The following TTC21B variants were observed in gnomAD, a reference collection of about 807,000 sequenced individuals.
TTC21B encodes the protein tetratricopeptide repeat domain 21B, also known as tetratricopeptide repeat protein 21B.
TTC21B carries 127 observed loss-of-function variants against 175.1 expected under a neutral mutation model. That is an observed-to-expected ratio of 0.73 (90% CI 0.63 to 0.84). TTC21B has a LOEUF of 0.84. TTC21B is among the 40% of genes least tolerant of loss of function. The probability of loss-of-function intolerance (pLI) is 0.00; values close to 1 mark genes in which losing one functional copy is unlikely to be tolerated. For missense variants in TTC21B, 1,561 were observed against 1,558.3 expected (o/e 1.00, Z -0.03); for synonymous variants, 524 against 524.5 (o/e 1.00, Z 0.01).
At chr2:165,931,968 GC>G in intron 7 of TTC21B, 112 bp from the exon 8 acceptor site, 2 of 734,500 alleles carry the variant, frequency 2.7e-6, no homozygotes, top group Non-Finnish European at 4.8e-6. Flanking sequence ...AAAGACCTTT[GC>G]TTTTATAAAT....
chr2:165,909,775 CATCAA>C (rs1227773522), intron 18 of TTC21B, among the ~76,000 whole-genome samples: 4 of 152,024 alleles, frequency 2.6e-5, no homozygotes, highest in African/African-American at 9.7e-5. Context: ...ATATGAGACT[CATCAA>C]ATCAATTATG....
intron 25 of TTC21B, among the ~76,000 whole-genome samples, chr2:165,885,761 T>G (rs1481711213): frequency 6.6e-6 from 1 of 152,264 alleles, no homozygotes; most frequent in African/African-American, 2.4e-5. Flanking sequence ...CTGAGTGAAC[T>G]GAAGAACAGT....
rs987858353 is a variant in TTC21B, at chr2:165,924,429, A to G, written c.1516+120T>C. 48 of 882,014 alleles carry G rather than the reference A, an allele frequency of 5.4e-5. No homozygotes were observed. The Middle Eastern group carries it at 1.1e-3, about 19-fold the overall frequency. 54.6% of individuals were successfully genotyped at this position (882,014 alleles called of 1,614,324 possible). The stretch of plus-strand genomic sequence containing the variant: ...TTGGATTAAAATTACTTATCTATGC[A>G]TATATAAAATGTACATTTTATGTGA... On this transcript the variant is annotated intron_variant, in intron 12 of 28. Transcript: ENST00000243344.
chr2:165,935,154 T>C (rs796900821), intron 6 of TTC21B, among the ~76,000 whole-genome samples: 45 of 152,318 alleles, frequency 3.0e-4, no homozygotes, highest in African/African-American at 1.1e-3. Context: ...TTAAAAACAG[T>C]GTGGAGCAAA....
chr2:165,937,221 A>G (rs2105354725), intron 6 of TTC21B, among the ~76,000 whole-genome samples: 1 of 152,226 alleles, frequency 6.6e-6, no homozygotes, highest in South Asian at 2.1e-4. Context: ...ATATTACAGG[A>G]CATTCTGGAA....
At chr2:165,940,914 T>A in intron 6 of TTC21B, 113 bp downstream of exon 6, 3 of 1,153,728 alleles carry the variant, frequency 2.6e-6, no homozygotes, top group Admixed American at 3.9e-5. Context: ...GGTTCCACAC[T>A]GTTTGAAAAA....
intron 4 of TTC21B, among the ~76,000 whole-genome samples, chr2:165,944,004 A>C (rs1259974087): frequency 6.6e-6 from 1 of 152,166 alleles, no homozygotes; most frequent in Non-Finnish European, 1.5e-5. Flanking sequence ...TTTCTATTAA[A>C]AAAATCTAGG....
intron 25 of TTC21B, among the ~76,000 whole-genome samples, chr2:165,886,680 T>C (rs1685006768): frequency 1.3e-5 from 2 of 152,200 alleles, no homozygotes; most frequent in Non-Finnish European, 2.9e-5. Flanking sequence ...TTCTAGGAAA[T>C]AGCTGTAATA....
intron 27 of TTC21B, 70 bp from the exon 28 acceptor site, chr2:165,876,302 C>T (rs1403001387): frequency 1.7e-5 from 16 of 956,606 alleles, no homozygotes; most frequent in Non-Finnish European, 1.4e-5. Flanking sequence ...TTGCCTCCTC[C>T]TCTCTTTGCT....
chr2:165,923,323 A>G (rs1207369890), intron 12 of TTC21B, among the ~76,000 whole-genome samples: 1 of 152,216 alleles, frequency 6.6e-6, no homozygotes, highest in East Asian at 1.9e-4. Context: ...ATTACAGGAA[A>G]TAACTATTCA....
chr2:165,929,175 A>T lies in TTC21B; in HGVS notation c.1346T>A (p.Leu449Ter). The T allele has an allele frequency of 6.2e-7, 1 of 1,612,972 alleles. No homozygotes were observed. The highest frequency in any genetic ancestry group is 8.5e-7 in the Non-Finnish European group (1 of 1,179,296). The change falls in exon 11 of 29, where the codon TTA (leucine) becomes TAA (stop). Residue 449 changes from leucine to a stop codon, truncating the protein, a stop_gained. Transcript: ENST00000243344. LOFTEE classifies it high-confidence loss of function. ...GCTCAGATACTCCATAACAATTTCTAACAAGAAATCAGGATTTAGCTTTTC... is the reference window on the plus strand; with the variant it reads ...GCTCAGATACTCCATAACAATTTCTTACAAGAAATCAGGATTTAGCTTTTC... ...YFEKLNPDFL[L>*]EIVMEYLSFC...
chr2:165,949,694 A>C lies in TTC21B; in HGVS notation c.52T>G (p.Tyr18Asp), dbSNP rs954912471. The change falls in exon 2 of 29, where the codon TAT becomes GAT. Residue 18 changes from tyrosine (Y) to aspartate (D), a missense_variant. Transcript: ENST00000243344. ...TLINYYCQER[Y>D]FHHVLLVASE... ...GCAACCAGTAATACATGATGGAAAT[A>C]TCTCTCTTGACAATAGTAATTAATC... is the stretch of plus-strand genomic sequence containing the variant. The C allele has an allele frequency of 9.3e-6, 15 of 1,612,348 alleles. No individual in the cohort carries two copies. Among genetic ancestry groups the C allele is most frequent in the East Asian group, 8.9e-5 (4 of 44,794 alleles).
intron 17 of TTC21B, among the ~76,000 whole-genome samples, chr2:165,911,676 T>A (rs1359965490): frequency 6.6e-6 from 1 of 151,858 alleles, no homozygotes; most frequent in Non-Finnish European, 1.5e-5. Context: ...ATATTTTTTT[T>A]TTTTGAGTCA....
intron 22 of TTC21B, among the ~76,000 whole-genome samples, chr2:165,898,238 G>A (rs1685437309): frequency 6.6e-6 from 1 of 152,154 alleles, no homozygotes; most frequent in Non-Finnish European, 1.5e-5. Flanking sequence ...TGAGAAGCTG[G>A]CCACAGGCGG....
chr2:165,890,760 C>G, intron 23 of TTC21B, 78 bp downstream of exon 23: 2 of 1,532,544 alleles, frequency 1.3e-6, no homozygotes, highest in East Asian at 2.3e-5. Flanking sequence ...TTTTTTTTTA[C>G]TACAAAGAAA....
intron 19 of TTC21B, among the ~76,000 whole-genome samples, chr2:165,903,062 G>GC: frequency 6.6e-6 from 1 of 152,308 alleles, no homozygotes; most frequent in African/African-American, 2.4e-5. Flanking sequence ...ACTCTGGATT[G>GC]CAAGTGTAAG....
At chr2:165,876,065 TA>T in intron 28 of TTC21B, 99 bp downstream of exon 28, 1 of 745,762 alleles carries the variant, frequency 1.3e-6, no homozygotes, top group Non-Finnish European at 2.4e-6. Context: ...TTAACTAAAA[TA>T]ATGTATCCTC....
At chr2:165,930,954 T>C (rs1322527960) in intron 8 of TTC21B, among the ~76,000 whole-genome samples, 2 of 152,076 alleles carry the variant, frequency 1.3e-5, no homozygotes, top group Admixed American at 1.3e-4. Flanking sequence ...CAACAAACTT[T>C]AAGAGTAAAA....
At chr2:165,891,567 T>TA (rs1173412632) in intron 22 of TTC21B, among the ~76,000 whole-genome samples, 1 of 143,392 alleles carries the variant, frequency 7.0e-6, no homozygotes, top group Non-Finnish European at 1.5e-5. Flanking sequence ...CACCTTCTTC[T>TA]AAAAAAAATT....
Sources: allele counts gnomAD v4.1 joint callset (sites outside exome capture counted in the v4.1 genomes callset), GRCh38; gene constraint gnomAD v4.1.1; transcripts MANE v1.5; gene names NCBI Gene and HGNC (gene_info 2026-07-23, HGNC 2026-07-21).